The following PLCB1 variants were observed in gnomAD, a reference collection of about 807,000 sequenced individuals.
The protein encoded by PLCB1 is 1-phosphatidylinositol 4,5-bisphosphate phosphodiesterase beta-1.
A neutral mutation model predicts 161.8 loss-of-function variants in PLCB1; 46 were observed. The ratio of observed to expected loss-of-function variants is 0.28; its 90% confidence interval spans 0.22 to 0.36. The LOEUF is 0.36. Ranked by LOEUF, PLCB1 falls within the 10% of genes least tolerant of loss-of-function variation. The pLI is 1.00. For missense variants in PLCB1, 1,016 were observed against 1,472.5 expected (o/e 0.69, Z 5.07); for synonymous variants, 517 against 503.7 (o/e 1.03, Z -0.35).
intron 9 of PLCB1, among the ~76,000 whole-genome samples, chr20:8,667,186 A>C (rs1989833311): frequency 6.6e-6 from 1 of 152,224 alleles, no homozygotes. Flanking sequence ...CAATGCTTTC[A>C]TGCCTTAATT....
chr20:8,174,190 T>A (rs1439382931), intron 2 of PLCB1, among the ~76,000 whole-genome samples: 4 of 152,106 alleles, frequency 2.6e-5, no homozygotes, highest in Admixed American at 1.3e-4. Flanking sequence ...AGATACATCA[T>A]GTGTAAACTT....
chr20:8,813,588 G>T (rs2146255467), intron 31 of PLCB1, among the ~76,000 whole-genome samples: 1 of 152,256 alleles, frequency 6.6e-6, no homozygotes, highest in East Asian at 1.9e-4. Context: ...CCAGCACTTT[G>T]GGAGCCTGAA....
chr20:8,790,595 A>G (rs1983707993), intron 31 of PLCB1, among the ~76,000 whole-genome samples: 1 of 152,222 alleles, frequency 6.6e-6, no homozygotes. Context: ...TTTGGGTACT[A>G]CTAAGTAAAC....
intron 2 of PLCB1, among the ~76,000 whole-genome samples, chr20:8,251,336 G>T (rs951923563): frequency 6.6e-6 from 1 of 151,944 alleles, no homozygotes; most frequent in Non-Finnish European, 1.5e-5. Context: ...GCCAAGAACG[G>T]TGCAGTCCTC....
intron 3 of PLCB1, among the ~76,000 whole-genome samples, chr20:8,523,492 C>CCATATATATATATATA (rs1555766816): frequency 1.6e-5 from 1 of 61,850 alleles, no homozygotes; most frequent in East Asian, 3.2e-4. Context: ...CTCTCTCTCT[C>CCATATATATATATATA]TCTCTATATA....
At chr20:8,301,210 C>T (rs1237233303) in intron 2 of PLCB1, among the ~76,000 whole-genome samples, 1 of 152,068 alleles carries the variant, frequency 6.6e-6, no homozygotes, top group Non-Finnish European at 1.5e-5. Context: ...CTGGTAATGC[C>T]ATGTTCTGCA....
chr20:8,545,317 G>C (rs1395149644), intron 3 of PLCB1, among the ~76,000 whole-genome samples: 1 of 152,226 alleles, frequency 6.6e-6, no homozygotes, highest in Non-Finnish European at 1.5e-5. Context: ...TATGGAAGAG[G>C]AGGCTAAAGA....
intron 4 of PLCB1, among the ~76,000 whole-genome samples, chr20:8,642,573 T>C (rs7262374): frequency 0.17 from 26,343 of 151,992 alleles, 2,783 homozygotes; most frequent in African/African-American, 0.31. Context: ...GCAATAGGAG[T>C]TTGCCAATAA....
chr20:8,156,351 G>T (rs2051562162), intron 2 of PLCB1, among the ~76,000 whole-genome samples: 1 of 152,186 alleles, frequency 6.6e-6, no homozygotes, highest in South Asian at 2.1e-4. Context: ...GCTTGAAAAT[G>T]TTCCCCTTAT....
At chr20:8,609,770 T>C (rs1422709852) in intron 3 of PLCB1, among the ~76,000 whole-genome samples, 1 of 152,132 alleles carries the variant, frequency 6.6e-6, no homozygotes, top group Non-Finnish European at 1.5e-5. Context: ...CGGCCCACTA[T>C]GTAGGTGGTC....
chr20:8,374,053 A>G (rs1013776370), intron 3 of PLCB1, among the ~76,000 whole-genome samples: 4 of 152,070 alleles, frequency 2.6e-5, no homozygotes, highest in African/African-American at 9.7e-5. Context: ...TCAGTATGCC[A>G]TGCAAGGTTC....
chr20:8,471,555 A>G (rs1395421700), intron 3 of PLCB1, among the ~76,000 whole-genome samples: 1 of 152,200 alleles, frequency 6.6e-6, no homozygotes, highest in Non-Finnish European at 1.5e-5. Flanking sequence ...ATTTTATGAA[A>G]TTAAAACTAA....
At chr20:8,370,856 G>A (rs1157536804) in intron 2 of PLCB1, among the ~76,000 whole-genome samples, 1 of 152,150 alleles carries the variant, frequency 6.6e-6, no homozygotes, top group East Asian at 1.9e-4. Flanking sequence ...GTGTATTACA[G>A]GTGTTCAATG....
intron 3 of PLCB1, among the ~76,000 whole-genome samples, chr20:8,550,620 C>T (rs1985742666): frequency 6.6e-6 from 1 of 152,186 alleles, no homozygotes; most frequent in African/African-American, 2.4e-5. Context: ...TTCATAGCAG[C>T]ATAAGAATGG....
At position 8,464,703 on chromosome 20, in the gene PLCB1, A is replaced by G. The variant is rs151035953; in HGVS notation, c.246+93253A>G. ...AGAAAAGTTCACCGCCATAGCCATA[A>G]CATAGAGAAGCTCACCACCTAGCTC... is the stretch of plus-strand genomic sequence containing the variant. On this transcript the variant is annotated intron_variant, in intron 3 of 31. Coordinates refer to ENST00000338037, the MANE Select transcript of PLCB1 (RefSeq NM_015192.4). 8.1e-3 allele frequency among the ~76,000 whole-genome samples: 1,231 copies of G among 152,274 alleles called. 21 individuals are homozygous for G. The highest frequency in any genetic ancestry group is 0.027 in the African/African-American group (1,135 of 41,556).
intron 2 of PLCB1, among the ~76,000 whole-genome samples, chr20:8,301,559 G>A (rs907272285): frequency 5.3e-5 from 8 of 152,028 alleles, no homozygotes; most frequent in East Asian, 3.9e-4. Context: ...GCCATTCCAC[G>A]TCCCATGCTA....
chr20:8,161,357 A>G (rs1470046479), intron 2 of PLCB1, among the ~76,000 whole-genome samples: 1 of 152,174 alleles, frequency 6.6e-6, no homozygotes, highest in African/African-American at 2.4e-5. Flanking sequence ...CGTCATTTCC[A>G]TAATCCTATG....
At chr20:8,241,494 C>A (rs1190881988) in intron 2 of PLCB1, among the ~76,000 whole-genome samples, 1 of 151,852 alleles carries the variant, frequency 6.6e-6, no homozygotes, top group East Asian at 1.9e-4. Context: ...CACTTAATGT[C>A]AGCTTGATGT....
intron 9 of PLCB1, among the ~76,000 whole-genome samples, chr20:8,665,584 A>G (rs1174126079): frequency 6.6e-6 from 1 of 152,114 alleles, no homozygotes; most frequent in Admixed American, 6.6e-5. Context: ...TTCTGACTCA[A>G]TCATTCTTTT....
Sources: gnomAD v4.1 joint callset for allele counts (sites outside exome capture counted in the v4.1 genomes callset) on GRCh38, gnomAD v4.1.1 for gene constraint, MANE v1.5 for transcripts, NCBI Gene and HGNC (gene_info 2026-07-23, HGNC 2026-07-21) for gene names.